The following SLC2A2 variants were observed in gnomAD, a reference collection of about 807,000 sequenced individuals.
The protein encoded by SLC2A2 is solute carrier family 2 member 2, also known as solute carrier family 2, facilitated glucose transporter member 2.
In SLC2A2, 36 loss-of-function variants were observed where a neutral mutation model predicts 54.5. The observed-to-expected ratio is 0.66, with a 90% CI of 0.51 to 0.87. The LOEUF is 0.87. SLC2A2 is among the 40% of genes least tolerant of loss of function. SLC2A2 has a pLI of 0.00. For missense variants in SLC2A2, 543 were observed against 624.3 expected (o/e 0.87, Z 1.39); for synonymous variants, 223 against 219.1 (o/e 1.02, Z -0.16).
chr3:171,014,381 A>G, intron 3 of SLC2A2, 88 bp downstream of exon 3: 1 of 1,429,740 alleles, frequency 7.0e-7, no homozygotes, highest in Non-Finnish European at 9.8e-7. Context: ...CTATTCCACA[A>G]GAAGAAAGAT....
intron 1 of SLC2A2, among the ~76,000 whole-genome samples, chr3:171,024,075 C>G (rs182201458): frequency 6.6e-6 from 1 of 152,042 alleles, no homozygotes; most frequent in African/African-American, 2.4e-5. Flanking sequence ...CAGAAAAGCT[C>G]CAAAAGAGTC....
At chr3:171,010,920 A>C (rs542497711) in intron 3 of SLC2A2, among the ~76,000 whole-genome samples, 20 of 152,164 alleles carry the variant, frequency 1.3e-4, no homozygotes, top group African/African-American at 4.8e-4. Flanking sequence ...TACACAGAAA[A>C]CCTTTTTTGC....
At chr3:171,014,351 T>G in intron 3 of SLC2A2, 118 bp downstream of exon 3, 1 of 1,127,092 alleles carries the variant, frequency 8.9e-7, no homozygotes, top group Non-Finnish European at 1.3e-6. Flanking sequence ...GGGTCATGAG[T>G]TGAAAAAACA....
Position 170,996,561 on chromosome 3 carries a change from C to A in SLC2A2, c.*1342G>T. 1 of 397,774 alleles carries A rather than the reference C, an allele frequency of 2.5e-6. No homozygotes were observed. The allele number at this position is 397,774 out of a possible 1,614,324, so 24.6% of individuals were successfully genotyped here. ...AAAACAGCCTAGAGATACGTTAGCA[C>A]CCTGCTAAGCTTTTGGGACCCATCA... On this transcript the variant is annotated 3_prime_UTR_variant, in exon 11 of 11. Coordinates refer to ENST00000314251, the MANE Select transcript of SLC2A2 (RefSeq NM_000340.2).
At chr3:171,022,940 C>G (rs544323408) in intron 1 of SLC2A2, among the ~76,000 whole-genome samples, 1 of 152,330 alleles carries the variant, frequency 6.6e-6, no homozygotes, top group South Asian at 2.1e-4. Context: ...GATGCTGGAT[C>G]TCCCATCCTA....
chr3:171,024,846 C>T (rs1174078391), intron 1 of SLC2A2, among the ~76,000 whole-genome samples: 3 of 152,188 alleles, frequency 2.0e-5, no homozygotes, highest in African/African-American at 7.2e-5. Context: ...AGCTGAAAAA[C>T]ATTGCACTAC....
In SLC2A2 at chr3:171,002,956, G is replaced by T. The variant is rs962068522; in HGVS notation, c.964-276C>A. Reference sequence around the variant, plus strand: ...AAATAAATTGAAACGTTTTGTTAAAGTATAATATACATAGAAAAGTACACA... The same window carrying T: ...AAATAAATTGAAACGTTTTGTTAAATTATAATATACATAGAAAAGTACACA... On this transcript the variant is annotated intron_variant, in intron 7 of 10. Transcript: ENST00000314251. Among the ~76,000 whole-genome samples, 45 of 151,966 alleles carry T rather than the reference G, an allele frequency of 3.0e-4. 1 individual carries two copies. The highest frequency in any genetic ancestry group is 9.7e-4 in the African/African-American group (40 of 41,410).
intron 3 of SLC2A2, among the ~76,000 whole-genome samples, chr3:171,012,567 G>C (rs959883875): frequency 1.3e-5 from 2 of 152,090 alleles, no homozygotes; most frequent in Non-Finnish European, 2.9e-5. Context: ...GGTGGCCACA[G>C]ACATCTGTTG....
chr3:171,005,753 G>A (rs1055132081), intron 6 of SLC2A2, among the ~76,000 whole-genome samples, 190 bp downstream of exon 6: 3 of 151,986 alleles, frequency 2.0e-5, no homozygotes, highest in South Asian at 2.1e-4. Context: ...GTCTAATACC[G>A]TGTGTATGGA....
In SLC2A2 at chr3:171,021,880, T is replaced by G. The variant is rs184959053; in HGVS notation, c.16-3257A>C. On this transcript the variant is annotated intron_variant, in intron 1 of 10. Coordinates refer to ENST00000314251, the MANE Select transcript of SLC2A2 (RefSeq NM_000340.2). Reference sequence around the variant, plus strand: ...CTCTTTATAGCCAGTAATGGGCAGGTCAGGTCCTTCTCATGTTACATCTCT... The same window carrying G: ...CTCTTTATAGCCAGTAATGGGCAGGGCAGGTCCTTCTCATGTTACATCTCT... Among the ~76,000 whole-genome samples the G allele has an allele frequency of 4.8e-3, 736 of 152,304 alleles. 9 individuals are homozygous for G. The highest frequency in any genetic ancestry group is 0.016 in the African/African-American group (681 of 41,546).
chr3:171,017,751 C>G (rs1716218454), intron 2 of SLC2A2, among the ~76,000 whole-genome samples: 1 of 152,164 alleles, frequency 6.6e-6, no homozygotes, highest in South Asian at 2.1e-4. Flanking sequence ...GAATGAAGTC[C>G]TGGTTCCCCG....
intron 3 of SLC2A2, among the ~76,000 whole-genome samples, chr3:171,011,088 A>G (rs1715862033): frequency 6.6e-6 from 1 of 152,070 alleles, no homozygotes; most frequent in African/African-American, 2.4e-5. Context: ...AACACCAACC[A>G]AACAGAATTT....
In SLC2A2 at chr3:171,007,138, G is replaced by C. The variant is rs762632420; in HGVS notation, c.612+10C>G. On this transcript the variant is annotated intron_variant, in intron 5 of 10. Transcript: ENST00000314251. The stretch of plus-strand genomic sequence containing the variant: ...GGGTGCAGTAGGGGATAAGGATGGG[G>C]AGTTTTTACCTGACTAATAAGAATG... 6.6e-7 allele frequency: 1 copy of C among 1,513,426 alleles called. No individual in the cohort carries two copies. Among genetic ancestry groups the C allele is most frequent in the East Asian group, 2.3e-5 (1 of 44,320 alleles). The allele number at this position is 1,513,426 out of a possible 1,614,324, so 93.7% of individuals were successfully genotyped here.
At chr3:171,013,379 G>A (rs2108254859) in intron 3 of SLC2A2, among the ~76,000 whole-genome samples, 1 of 152,198 alleles carries the variant, frequency 6.6e-6, no homozygotes, top group South Asian at 2.1e-4. Flanking sequence ...ACATCAGCAA[G>A]TTGATTAAAA....
chr3:171,019,129 G>GTATA (rs200539659), intron 1 of SLC2A2, among the ~76,000 whole-genome samples: 967 of 24,928 alleles, frequency 0.039, 29 homozygotes, highest in East Asian at 0.069. Context: ...ATATACGTAT[G>GTATA]TATATATATA....
chr3:171,019,837 G>A lies in SLC2A2; in HGVS notation c.16-1214C>T, dbSNP rs139517423. Among the ~76,000 whole-genome samples the A allele has an allele frequency of 2.2e-3, 342 of 152,276 alleles. 2 individuals carry two copies. The highest frequency in any genetic ancestry group is 7.7e-3 in the African/African-American group (319 of 41,548). On this transcript the variant is annotated intron_variant, in intron 1 of 10. Coordinates refer to ENST00000314251, the MANE Select transcript of SLC2A2 (RefSeq NM_000340.2). ...AACAGTTATTTGATTTGTGCATGAC[G>A]TATATAATTTATAGAATGTTTTCTT...
At chr3:171,012,325 G>A (rs986591014) in intron 3 of SLC2A2, among the ~76,000 whole-genome samples, 1 of 152,184 alleles carries the variant, frequency 6.6e-6, no homozygotes, top group Non-Finnish European at 1.5e-5. Context: ...CAGCTATTAA[G>A]TGACAGATCT....
intron 4 of SLC2A2, 64 bp from the exon 5 acceptor site, chr3:171,007,327 GT>G (rs1666707560): frequency 2.0e-6 from 2 of 982,734 alleles, no homozygotes; most frequent in Non-Finnish European, 3.2e-6. Flanking sequence ...TAACAATTTG[GT>G]TTAAGTACAG....
intron 6 of SLC2A2, 88 bp from the exon 7 acceptor site, chr3:171,005,560 C>A: frequency 9.5e-7 from 1 of 1,053,068 alleles, no homozygotes; most frequent in Admixed American, 1.9e-5. Flanking sequence ...TACATTTCTG[C>A]ATGCCCCATT....
Sources: allele counts gnomAD v4.1 joint callset (sites outside exome capture counted in the v4.1 genomes callset), GRCh38; gene constraint gnomAD v4.1.1; transcripts MANE v1.5; gene names NCBI Gene and HGNC (gene_info 2026-07-23, HGNC 2026-07-21).